HERC4: variants seen among roughly 807,000 people sequenced by gnomAD.
HERC4 encodes probable E3 ubiquitin-protein ligase HERC4.
HERC4 carries 28 observed loss-of-function variants against 124.3 expected under a neutral mutation model. That is an observed-to-expected ratio of 0.23 (90% CI 0.17 to 0.31). HERC4 has a LOEUF of 0.31. Among genes scored for constraint, HERC4 ranks in the 10% least tolerant of loss-of-function variants. HERC4 has a pLI of 1.00. For missense variants in HERC4, 713 were observed against 1,229.3 expected (o/e 0.58, Z 6.28); for synonymous variants, 407 against 421.5 (o/e 0.97, Z 0.42).
chr10:68,020,350 G>C (rs2133209691), intron 8 of HERC4, among the ~76,000 whole-genome samples: 1 of 151,712 alleles, frequency 6.6e-6, no homozygotes, highest in East Asian at 1.9e-4. Context: ...TCAAATGGCA[G>C]ACCTAAAAGA....
In HERC4 at chr10:68,007,957, G is replaced by A. The variant is rs941764338; in HGVS notation, c.1069+6069C>T. ...CAGCCCAGAGCTCCTGAGCCCAAGC[G>A]ATCCTCCTGCCTCAGCTTCCTAAGT... is the stretch of plus-strand genomic sequence containing the variant. On this transcript the variant is annotated intron_variant, in intron 9 of 24. Transcript: ENST00000373700. 4.6e-5 allele frequency: 7 copies of A among 152,326 alleles called. No homozygotes were observed. The East Asian group carries it at 1.2e-3, about 25-fold the overall frequency. The allele number at this position is 152,326 out of a possible 1,614,324, so 9.4% of individuals were successfully genotyped here. A position where few individuals can be genotyped will look rare whatever the true frequency, so the allele number is the denominator to read the frequency against.
chr10:68,038,675 C>T (rs1023682594), intron 4 of HERC4, among the ~76,000 whole-genome samples: 1 of 152,164 alleles, frequency 6.6e-6, no homozygotes, highest in African/African-American at 2.4e-5. Flanking sequence ...AAACCTATTC[C>T]TTACAAGCTA....
chr10:67,923,295 C>T (rs889216540), intron 24 of HERC4, among the ~76,000 whole-genome samples, 156 bp from the exon 25 acceptor site: 1 of 152,208 alleles, frequency 6.6e-6, no homozygotes, highest in Non-Finnish European at 1.5e-5. Flanking sequence ...TTTTTTGAGA[C>T]ACATTCTAAT....
Position 67,954,976 on chromosome 10 carries a change from T to C in HERC4, c.2180A>G (p.Lys727Arg), listed in dbSNP as rs747595221. 5 of 1,600,966 alleles carry C rather than the reference T, an allele frequency of 3.1e-6. No individual in the cohort carries two copies. In the Admixed American group the frequency reaches 7.0e-5, roughly 23 times the overall value. Reference sequence around the variant, plus strand: ...ATGTCAAATTACCTTGAGTGGCTTCTTGTAATCTATGTTCTTTGTTTTCCT... The same window carrying C: ...ATGTCAAATTACCTTGAGTGGCTTCCTGTAATCTATGTTCTTTGTTTTCCT... ...VLRKTKNIDY[K>R]KPLKVIFVGE... The change falls in exon 18 of 25, where the codon AAG (lysine) becomes AGG (arginine). Residue 727 changes from lysine to arginine, a missense_variant. Transcript: ENST00000373700.
At chr10:68,038,375 T>C in intron 4 of HERC4, 1 of 406,600 alleles carries the variant, frequency 2.5e-6, no homozygotes, top group Non-Finnish European at 4.3e-6. Flanking sequence ...ATTAAAGGGG[T>C]GAAAAGAACA....
intron 9 of HERC4, chr10:68,008,166 C>G (rs1409818078): frequency 6.6e-6 from 1 of 152,372 alleles, no homozygotes; most frequent in African/African-American, 2.4e-5. Context: ...CACTCTCTCT[C>G]TCTGTGCTGA....
intron 4 of HERC4, chr10:68,039,838 T>A (rs2039671514): frequency 2.0e-6 from 2 of 1,011,654 alleles, no homozygotes; most frequent in Non-Finnish European, 2.4e-6. Context: ...TTCAGCATAT[T>A]AAGTATTTTA....
At chr10:68,054,623 C>T (rs2040466487) in intron 3 of HERC4, among the ~76,000 whole-genome samples, 1 of 152,038 alleles carries the variant, frequency 6.6e-6, no homozygotes, top group South Asian at 2.1e-4. Flanking sequence ...GGATTACAGG[C>T]ATGAGACATA....
intron 19 of HERC4, among the ~76,000 whole-genome samples, chr10:67,950,993 A>T (rs2033750879): frequency 1.3e-5 from 2 of 152,180 alleles, no homozygotes; most frequent in Admixed American, 6.5e-5. Context: ...TACCGTACCA[A>T]ATGTAAGGAA....
chr10:68,059,766 A>AATATTATATATTATAATATTATATATC (rs1179692302), intron 3 of HERC4, among the ~76,000 whole-genome samples: 20 of 85,034 alleles, frequency 2.4e-4, no homozygotes, highest in Non-Finnish European at 3.2e-4. Context: ...TATATATCAT[A>AATATTATATATTATAATATTATATATC]ATATTATATA....
chr10:68,000,905 C>G (rs749108962), intron 9 of HERC4, among the ~76,000 whole-genome samples: 14 of 152,090 alleles, frequency 9.2e-5, no homozygotes, highest in Non-Finnish European at 1.8e-4. Flanking sequence ...AATAGTGAGC[C>G]AATAAATTTG....
chr10:67,938,592 G>A (rs1490572247), intron 21 of HERC4, among the ~76,000 whole-genome samples: 1 of 152,054 alleles, frequency 6.6e-6, no homozygotes, highest in Non-Finnish European at 1.5e-5. Context: ...TTACCAACTA[G>A]TCTACTTCTG....
chr10:68,019,028 C>T (rs991054655), intron 8 of HERC4, among the ~76,000 whole-genome samples: 1 of 127,948 alleles, frequency 7.8e-6, no homozygotes, highest in African/African-American at 3.0e-5. Flanking sequence ...TGGAGTTTCA[C>T]TCTTGTTGCC....
At chr10:67,975,668 T>C (rs1224517826) in intron 15 of HERC4, among the ~76,000 whole-genome samples, 1 of 152,160 alleles carries the variant, frequency 6.6e-6, no homozygotes, top group Non-Finnish European at 1.5e-5. Context: ...CATTCTTAAC[T>C]CACTATATGA....
intron 3 of HERC4, among the ~76,000 whole-genome samples, chr10:68,049,379 A>G (rs7916902): frequency 0.019 from 2,902 of 152,150 alleles, 88 homozygotes; most frequent in African/African-American, 0.066. Context: ...CTTTGGAAAG[A>G]TAAGTCGGGC....
chr10:67,972,529 G>GAAAAAAAAAAA (rs58031306), intron 15 of HERC4, among the ~76,000 whole-genome samples: 2 of 58,396 alleles, frequency 3.4e-5, no homozygotes, highest in African/African-American at 6.7e-5. Context: ...CAAAAAAGAG[G>GAAAAAAAAAAA]AAAAAAAAAA....
chr10:67,986,878 A>G (rs1018209571), intron 15 of HERC4, among the ~76,000 whole-genome samples: 1 of 152,160 alleles, frequency 6.6e-6, no homozygotes, highest in African/African-American at 2.4e-5. Context: ...ATGAACTTCT[A>G]GATCTAGGGG....
At chr10:68,072,754 T>A in intron 3 of HERC4, 129 bp downstream of exon 3, 1 of 617,790 alleles carries the variant, frequency 1.6e-6, no homozygotes, top group Non-Finnish European at 2.7e-6. Flanking sequence ...ATAATGGAAA[T>A]ACATAACTTC....
At chr10:68,028,856 A>C (rs1403496577) in intron 7 of HERC4, among the ~76,000 whole-genome samples, 1 of 152,136 alleles carries the variant, frequency 6.6e-6, no homozygotes, top group East Asian at 1.9e-4. Context: ...AATATATTGG[A>C]ATTTATTTGC....
Sources: gnomAD v4.1 joint callset for allele counts (sites outside exome capture counted in the v4.1 genomes callset) on GRCh38, gnomAD v4.1.1 for gene constraint, MANE v1.5 for transcripts, NCBI Gene and HGNC (gene_info 2026-07-23, HGNC 2026-07-21) for gene names.